The following LRRC4C variants were observed in gnomAD, a reference collection of about 807,000 sequenced individuals.
LRRC4C encodes leucine-rich repeat-containing protein 4C.
A neutral mutation model predicts 33.6 loss-of-function variants in LRRC4C; 5 were observed. The ratio of observed to expected loss-of-function variants is 0.15; its 90% CI spans 0.08 to 0.31. The LOEUF is 0.31. Ranked by LOEUF, LRRC4C falls within the 10% of genes least tolerant of loss-of-function variation. The pLI is 1.00. For missense variants in LRRC4C, 560 were observed against 796.7 expected, an observed-to-expected ratio of 0.70 and a Z score of 3.58; for synonymous variants, 329 against 302.0, an observed-to-expected ratio of 1.09 and a Z score of -0.93.
intron 1 of LRRC4C, among the ~76,000 whole-genome samples, chr11:40,989,779 G>T (rs1455067167): frequency 1.3e-5 from 2 of 151,882 alleles, no homozygotes; most frequent in African/African-American, 4.8e-5. Flanking sequence ...GAGAATCTTA[G>T]CATTTAATGT....
At chr11:40,762,469 T>C (rs980596800) in intron 2 of LRRC4C, among the ~76,000 whole-genome samples, 36 of 152,114 alleles carry the variant, frequency 2.4e-4, no homozygotes, top group Admixed American at 1.8e-3. Flanking sequence ...GCACCTAGTG[T>C]GATAGCCATG....
At chr11:40,951,026 A>T (rs541557393) in intron 1 of LRRC4C, among the ~76,000 whole-genome samples, 1 of 151,934 alleles carries the variant, frequency 6.6e-6, no homozygotes, top group East Asian at 1.9e-4. Context: ...ATAAGCTCCT[A>T]CTATCCAATA....
At chr11:40,428,389 C>A (rs926106160) in intron 3 of LRRC4C, among the ~76,000 whole-genome samples, 2 of 152,094 alleles carry the variant, frequency 1.3e-5, no homozygotes, top group Non-Finnish European at 2.9e-5. Flanking sequence ...CTCAGTTTTC[C>A]CATCTGTAAA....
intron 2 of LRRC4C, among the ~76,000 whole-genome samples, chr11:40,734,792 T>C (rs1231770395): frequency 2.6e-5 from 4 of 152,106 alleles, no homozygotes; most frequent in African/African-American, 7.2e-5. Context: ...GGTGTCAAGG[T>C]AACGGAATTA....
At chr11:40,616,312 G>A (rs1265319243) in intron 3 of LRRC4C, among the ~76,000 whole-genome samples, 1 of 151,908 alleles carries the variant, frequency 6.6e-6, no homozygotes, top group Non-Finnish European at 1.5e-5. Context: ...ACTGTTGGTG[G>A]GACTGTAAAC....
At chr11:41,024,672 C>A (rs1294553238) in intron 1 of LRRC4C, among the ~76,000 whole-genome samples, 1 of 151,656 alleles carries the variant, frequency 6.6e-6, no homozygotes, top group Non-Finnish European at 1.5e-5. Context: ...TTAGTAGATG[C>A]ATCTTTGATT....
intron 1 of LRRC4C, among the ~76,000 whole-genome samples, chr11:41,046,686 G>C (rs562657273): frequency 2.0e-5 from 3 of 152,200 alleles, no homozygotes; most frequent in African/African-American, 7.2e-5. Flanking sequence ...AACATCCAGC[G>C]TTTGCACTTC....
At chr11:41,413,034 CT>C (rs149244671) in intron 1 of LRRC4C, among the ~76,000 whole-genome samples, 11,765 of 151,744 alleles carry the variant, frequency 0.078, 1,502 homozygotes, top group African/African-American at 0.27. Context: ...ATTTTTCTTA[CT>C]TTTTTTTCTT....
At chr11:41,291,084 T>G (rs1429893136) in intron 1 of LRRC4C, among the ~76,000 whole-genome samples, 1 of 152,192 alleles carries the variant, frequency 6.6e-6, no homozygotes, top group Non-Finnish European at 1.5e-5. Context: ...TCAAAACATG[T>G]GCATGTGCAA....
At chr11:40,671,657 GTGTGT>G (rs1297667345) in intron 2 of LRRC4C, among the ~76,000 whole-genome samples, 2 of 104,514 alleles carry the variant, frequency 1.9e-5, no homozygotes, top group African/African-American at 7.6e-5. Context: ...GTGTGTGTGT[GTGTGT>G]GTGTGTGTGT....
At chr11:40,911,401 TC>T (rs1231619400) in intron 2 of LRRC4C, among the ~76,000 whole-genome samples, 1 of 152,140 alleles carries the variant, frequency 6.6e-6, no homozygotes, top group African/African-American at 2.4e-5. Context: ...TATCCGCTGT[TC>T]TGCATCCTCT....
At position 40,596,861 on chromosome 11, in the gene LRRC4C, T is replaced by C. The variant is rs77424267; in HGVS notation, c.-270+51281A>G. Among the ~76,000 whole-genome samples, 1,000 of 152,282 alleles carry C rather than the reference T, an allele frequency of 6.6e-3. 6 individuals are homozygous for C. Among genetic ancestry groups the C allele is most frequent in the Middle Eastern group, 0.017 (5 of 294 alleles). On this transcript the variant is annotated intron_variant, in intron 3 of 6. Coordinates refer to ENST00000528697, the MANE Select transcript of LRRC4C (RefSeq NM_001258419.2). ...AACACTATTCATAGTAGTCAGGATATGGAATCAATATAAGTGTCCATCAAT... is the reference window on the plus strand; with the variant it reads ...AACACTATTCATAGTAGTCAGGATACGGAATCAATATAAGTGTCCATCAAT...
intron 1 of LRRC4C, chr11:41,222,982 A>G (rs1346404649): frequency 6.6e-6 from 1 of 152,154 alleles, no homozygotes; most frequent in African/African-American, 2.4e-5. Flanking sequence ...AAATACGGAT[A>G]ATGACAGTAA....
intron 2 of LRRC4C, among the ~76,000 whole-genome samples, chr11:40,701,016 C>T (rs544692873): frequency 8.5e-5 from 13 of 152,108 alleles, no homozygotes; most frequent in Non-Finnish European, 1.9e-4. Context: ...TGTTTTTATG[C>T]ATTACATTAT....
chr11:40,393,733 GA>G (rs1248833982), intron 3 of LRRC4C, among the ~76,000 whole-genome samples: 2 of 152,072 alleles, frequency 1.3e-5, no homozygotes, highest in African/African-American at 4.8e-5. Context: ...GTCCTTTAAT[GA>G]ATACTACATT....
intron 5 of LRRC4C, among the ~76,000 whole-genome samples, chr11:40,171,975 C>T (rs1408808336): frequency 6.6e-6 from 1 of 152,112 alleles, no homozygotes; most frequent in African/African-American, 2.4e-5. Context: ...TGAGATTGCA[C>T]CACTGCACTC....
At chr11:40,633,236 T>TCACAGA (rs1963617796) in intron 3 of LRRC4C, among the ~76,000 whole-genome samples, 2 of 152,118 alleles carry the variant, frequency 1.3e-5, no homozygotes, top group African/African-American at 2.4e-5. Flanking sequence ...GTGTATACAC[T>TCACAGA]CACAGACACA....
chr11:40,361,502 C>A (rs547337483), intron 3 of LRRC4C, among the ~76,000 whole-genome samples: 3 of 152,152 alleles, frequency 2.0e-5, no homozygotes, highest in Non-Finnish European at 4.4e-5. Context: ...AAAGTAATTG[C>A]GGTTTTTGCC....
intron 5 of LRRC4C, among the ~76,000 whole-genome samples, chr11:40,238,550 A>C (rs1865720165): frequency 6.6e-6 from 1 of 152,200 alleles, no homozygotes; most frequent in African/African-American, 2.4e-5. Context: ...ACAGCATATC[A>C]AAGGAAAGAT....
Sources: gnomAD v4.1 joint callset for allele counts (sites outside exome capture counted in the v4.1 genomes callset) on GRCh38, gnomAD v4.1.1 for gene constraint, MANE v1.5 for transcripts, NCBI Gene and HGNC (gene_info 2026-07-23, HGNC 2026-07-21) for gene names.